The following NFIB variants were observed in gnomAD, a reference collection of about 807,000 sequenced individuals.
The protein encoded by NFIB is nuclear factor 1 B-type.
A neutral mutation model predicts 61.5 loss-of-function variants in NFIB; 11 were observed. That is an observed-to-expected ratio of 0.18 (90% CI 0.11 to 0.30). The LOEUF (loss-of-function observed/expected upper bound fraction) is 0.30. NFIB is among the 10% of genes least tolerant of loss of function. The pLI, the probability that NFIB is intolerant of heterozygous loss-of-function variation, is 1.00. For synonymous variants in NFIB, 260 were observed against 216.5 expected, an observed-to-expected ratio of 1.20 and a Z score of -1.76; for missense variants, 471 against 608.9, an observed-to-expected ratio of 0.77 and a Z score of 2.38.
intron 10 of NFIB, among the ~76,000 whole-genome samples, chr9:14,110,250 T>C (rs1381746908): frequency 6.6e-6 from 1 of 152,032 alleles, no homozygotes; most frequent in Non-Finnish European, 1.5e-5. Flanking sequence ...TTATGTAGGC[T>C]CTATTAAAGT....
chr9:14,156,475 C>T (rs745451751), intron 3 of NFIB, among the ~76,000 whole-genome samples: 5 of 152,308 alleles, frequency 3.3e-5, no homozygotes, highest in East Asian at 1.9e-4. Flanking sequence ...CTTTAATATA[C>T]GTTGCACGAT....
chr9:14,252,123 A>G (rs1342775005), intron 2 of NFIB, among the ~76,000 whole-genome samples: 7 of 152,084 alleles, frequency 4.6e-5, no homozygotes, highest in Non-Finnish European at 2.9e-5. Flanking sequence ...AAAGTATTTC[A>G]CTCCCTAATG....
the NFIB span, among the ~76,000 whole-genome samples, chr9:14,413,159 C>A: frequency 1.2e-4 from 19 of 152,154 alleles, no homozygotes; most frequent in African/African-American, 4.6e-4. Context: ...GAGCACAAAG[C>A]CTCCAGATCC....
chr9:14,100,726 T>C (rs1259481547), intron 10 of NFIB, among the ~76,000 whole-genome samples: 1 of 152,196 alleles, frequency 6.6e-6, no homozygotes, highest in Non-Finnish European at 1.5e-5. Flanking sequence ...AACAAAAACA[T>C]TACTAATAAC....
chr9:14,427,440 G>A, the NFIB span, among the ~76,000 whole-genome samples: 2 of 152,178 alleles, frequency 1.3e-5, no homozygotes, highest in African/African-American at 2.4e-5. Flanking sequence ...GGTACAGAGG[G>A]GCCAAGTAAC....
chr9:14,273,584 C>T (rs746539539), intron 2 of NFIB, among the ~76,000 whole-genome samples: 5 of 152,056 alleles, frequency 3.3e-5, no homozygotes, highest in African/African-American at 4.8e-5. Context: ...CGTCTGTCCT[C>T]GCCTAAAAAG....
At chr9:14,221,755 A>G (rs1272059884) in intron 2 of NFIB, among the ~76,000 whole-genome samples, 1 of 152,220 alleles carries the variant, frequency 6.6e-6, no homozygotes, top group African/African-American at 2.4e-5. Context: ...AATCCATAGT[A>G]TAATTGAGCA....
chr9:14,235,669 C>T lies in NFIB; in HGVS notation c.563-55889G>A, dbSNP rs553117619. ...GTAGATAGAACAACTCTAATCTTCA[C>T]GTACTGCTGAATTACAATTAGGTGC... On this transcript the variant is annotated intron_variant, in intron 2 of 10. Transcript: ENST00000380953. Among the ~76,000 whole-genome samples, 8 of 152,278 alleles carry T rather than the reference C, an allele frequency of 5.3e-5. No homozygotes were observed. In the South Asian group the frequency reaches 1.5e-3, roughly 28 times the overall value.
the NFIB span, among the ~76,000 whole-genome samples, chr9:14,522,018 T>C: frequency 5.9e-5 from 9 of 152,212 alleles, no homozygotes; most frequent in East Asian, 1.7e-3. Context: ...AAGTGTCTGA[T>C]AAGAAGAGAA....
intron 1 of NFIB, among the ~76,000 whole-genome samples, chr9:14,372,213 G>A (rs1006059857): frequency 3.4e-4 from 52 of 151,296 alleles, no homozygotes; most frequent in African/African-American, 1.2e-3. Flanking sequence ...ACGATTTTTC[G>A]TGCTCTGGCT....
At chr9:14,531,603 G>C in the NFIB span, among the ~76,000 whole-genome samples, 1 of 151,666 alleles carries the variant, frequency 6.6e-6, no homozygotes, top group Admixed American at 6.6e-5. Flanking sequence ...AGCCAAGAAG[G>C]CTCCAATCCC....
chr9:14,149,829 C>A (rs1272375935), intron 5 of NFIB, among the ~76,000 whole-genome samples: 2 of 152,120 alleles, frequency 1.3e-5, no homozygotes. Flanking sequence ...ACAGCAACAT[C>A]ATTTTTAAAG....
intron 1 of NFIB, among the ~76,000 whole-genome samples, chr9:14,372,392 G>T (rs934493254): frequency 6.6e-6 from 1 of 152,150 alleles, no homozygotes; most frequent in African/African-American, 2.4e-5. Context: ...GCATTATACA[G>T]AATTTATATA....
the NFIB span, among the ~76,000 whole-genome samples, chr9:14,510,407 T>C: frequency 1.3e-5 from 2 of 152,180 alleles, no homozygotes; most frequent in Non-Finnish European, 2.9e-5. Context: ...GACTCAATTT[T>C]CTTTGACACT....
intron 1 of NFIB, among the ~76,000 whole-genome samples, chr9:14,352,101 C>T (rs1046379558): frequency 2.0e-5 from 3 of 152,052 alleles, no homozygotes; most frequent in African/African-American, 4.8e-5. Flanking sequence ...ATCTTTGCAG[C>T]AACGCTAAAG....
intron 2 of NFIB, among the ~76,000 whole-genome samples, chr9:14,225,413 C>T (rs1170520665): frequency 1.1e-4 from 15 of 138,216 alleles, no homozygotes; most frequent in Admixed American, 3.1e-4. Context: ...GCCGAGATCC[C>T]GCCACTGCAC....
chr9:14,369,731 A>G (rs1380839645), intron 1 of NFIB, among the ~76,000 whole-genome samples: 1 of 152,176 alleles, frequency 6.6e-6, no homozygotes, highest in Non-Finnish European at 1.5e-5. Context: ...ACCTCAAAAA[A>G]GGTTTTCAAA....
chr9:14,482,387 G>A, the NFIB span, among the ~76,000 whole-genome samples: 2 of 152,208 alleles, frequency 1.3e-5, no homozygotes, highest in South Asian at 4.1e-4. Context: ...CTCCTCCTCA[G>A]CCATGCATCC....
intron 6 of NFIB, among the ~76,000 whole-genome samples, chr9:14,134,875 G>A (rs1168659277): frequency 3.0e-5 from 4 of 134,548 alleles, no homozygotes; most frequent in Middle Eastern, 4.3e-3. Flanking sequence ...TCCAGCCTGG[G>A]TGACAGGGCG....
Sources: allele counts gnomAD v4.1 joint callset (sites outside exome capture counted in the v4.1 genomes callset), GRCh38; gene constraint gnomAD v4.1.1; transcripts MANE v1.5; gene names NCBI Gene and HGNC (gene_info 2026-07-23, HGNC 2026-07-21).